ESRP2: variants seen among roughly 807,000 people sequenced by gnomAD.
ESRP2 encodes epithelial splicing regulatory protein 2.
A neutral mutation model predicts 78.6 loss-of-function variants in ESRP2; 48 were observed. The ratio of observed to expected loss-of-function variants is 0.61; its 90% CI spans 0.48 to 0.78. ESRP2 has a LOEUF of 0.78. Ranked by LOEUF, ESRP2 falls within the 30% of genes least tolerant of loss-of-function variation. The pLI is 0.00. For synonymous variants in ESRP2, 383 were observed against 406.7 expected, an observed-to-expected ratio of 0.94 and a Z score of 0.70; for missense variants, 863 against 965.9, an observed-to-expected ratio of 0.89 and a Z score of 1.41.
chr16:68,230,683 GTCA>G (rs2042118886), intron 13 of ESRP2, 129 bp from the exon 14 acceptor site: 2 of 1,413,878 alleles, frequency 1.4e-6, no homozygotes, highest in Admixed American at 4.4e-5. Flanking sequence ...CCTCTACAGA[GTCA>G]TTTTCGATCT....
Position 68,231,924 on chromosome 16 carries a change from C to T in ESRP2, c.1177G>A (p.Gly393Ser). 1 of 1,614,088 alleles carries T rather than the reference C, an allele frequency of 6.2e-7. No homozygotes were observed. Among genetic ancestry groups the T allele is most frequent in the Non-Finnish European group, 8.5e-7 (1 of 1,180,018 alleles). The change falls in exon 10 of 15, where the codon GGT becomes AGT. Residue 393 changes from glycine to serine, a missense_variant. Transcript: ENST00000473183. This position sits in a 1 kb window ranked among gnomAD's most constrained non-coding sequence, Gnocchi z 6.0. Reference protein sequence around the residue: ...FVRHPDGRPTGDAFALFACEE... With the variant: ...FVRHPDGRPTSDAFALFACEE... ...CAAGCAAAGAGGGCGAAGGCATCACCAGTCGGCCGGCCATCAGGATGGCGC... is the reference window on the plus strand; with the variant it reads ...CAAGCAAAGAGGGCGAAGGCATCACTAGTCGGCCGGCCATCAGGATGGCGC...
rs569556720 is a variant in ESRP2 at position 68,231,365 on chromosome 16, C to T, written c.1524G>A (p.Ser508=). ...HMVLNQQGRP[S]GDAFIQMTSA... ...ATGTCATCTGAATGAAGGCATCGCC[C>T]GATGGCCGGCCCTGTGCACACCATC... is the stretch of plus-strand genomic sequence containing the variant. The change falls in exon 12 of 15, where the codon TCG becomes TCA. Residue 508 remains serine, a synonymous_variant. Transcript: ENST00000473183. This position sits in a 1 kb window ranked among gnomAD's most constrained non-coding sequence, Gnocchi z 6.0. The T allele has an allele frequency of 2.6e-5, 42 of 1,614,076 alleles. No individual in the cohort carries two copies. Among genetic ancestry groups the T allele is most frequent in the African/African-American group, 1.2e-4 (9 of 75,012 alleles).
intron 2 of ESRP2, chr16:68,234,347 A>C: frequency 7.7e-6 from 4 of 516,694 alleles, no homozygotes; most frequent in Admixed American, 3.6e-5. Context: ...ATCACATATA[A>C]CCGAAGCCCT....
rs2042092131 is a variant in ESRP2 at position 68,229,214 on chromosome 16, CCT to C, written c.*1010_*1011del. On this transcript the variant is annotated 3_prime_UTR_variant, in exon 15 of 15. Coordinates refer to ENST00000473183, the MANE Select transcript of ESRP2 (RefSeq NM_024939.3). ...GGAAGAAGAGCCAGCAGTTGAGGCTCCTCAGTTTTAGTGCTGAAATAATAAAC... is the reference window on the plus strand; with the variant it reads ...GGAAGAAGAGCCAGCAGTTGAGGCTCCAGTTTTAGTGCTGAAATAATAAAC... The C allele has an allele frequency of 6.6e-6, 1 of 152,230 alleles. No homozygotes were observed. The highest frequency in any genetic ancestry group is 1.5e-5 in the Non-Finnish European group (1 of 68,042). The allele number at this position is 152,230 out of a possible 1,614,324, so 9.4% of individuals were successfully genotyped here.
At chr16:68,233,135 G>A in intron 5 of ESRP2, 192 bp downstream of exon 5, 1 of 607,436 alleles carries the variant, frequency 1.6e-6, no homozygotes, top group South Asian at 2.0e-5. Flanking sequence ...GAAAGTGGAG[G>A]TTGCAGTGAG....
In ESRP2 at chr16:68,231,801, C is replaced by T. The variant is rs760631582; in HGVS notation, c.1299+1G>A. ...GGGGGTGGGGAGCCCTGGGCGCTCA[C>T]CTGCTGCACTTCGGCTGCAGTGCTC... On this transcript the variant is annotated splice_donor_variant, in intron 10 of 14. Transcript: ENST00000473183. LOFTEE classifies it high-confidence loss of function. The surrounding 1 kb of genome is among the most constrained non-coding windows in gnomAD (Gnocchi z 6.0). 2 of 1,606,980 alleles carry T rather than the reference C, an allele frequency of 1.2e-6. No individual in the cohort carries two copies. Among genetic ancestry groups the T allele is most frequent in the Admixed American group, 3.3e-5 (2 of 59,856 alleles).
chr16:68,233,200 A>G, intron 5 of ESRP2, 127 bp downstream of exon 5: 1 of 594,778 alleles, frequency 1.7e-6, no homozygotes, highest in Non-Finnish European at 2.8e-6. Flanking sequence ...CTGTCTCAAA[A>G]AAAAAAAAAA....
Position 68,230,040 on chromosome 16 carries a change from T to G in ESRP2, c.*186A>C. ...CAGCCCTGCATGCAGGGTCCAGCCATTGTCTTTGGGGGAAACAGGCAGAAT... is the reference window on the plus strand; with the variant it reads ...CAGCCCTGCATGCAGGGTCCAGCCAGTGTCTTTGGGGGAAACAGGCAGAAT... On this transcript the variant is annotated 3_prime_UTR_variant, in exon 15 of 15. Transcript: ENST00000473183. The G allele has an allele frequency of 1.6e-6, 1 of 622,748 alleles. No individual in the cohort carries two copies. Among genetic ancestry groups the G allele is most frequent in the Non-Finnish European group, 2.9e-6 (1 of 350,386 alleles). 38.6% of individuals were successfully genotyped at this position (622,748 alleles called of 1,614,324 possible).
At position 68,231,934 on chromosome 16, in the gene ESRP2, G is replaced by A. The variant is rs759468917; in HGVS notation, c.1167C>T (p.Gly389=). ...EGLLFVRHPD[G]RPTGDAFALF... Reference sequence around the variant, plus strand: ...GGGCGAAGGCATCACCAGTCGGCCGGCCATCAGGATGGCGCACAAAGAGCA... The same window carrying A: ...GGGCGAAGGCATCACCAGTCGGCCGACCATCAGGATGGCGCACAAAGAGCA... The change falls in exon 10 of 15, where the codon GGC becomes GGT. Residue 389 remains glycine (G), a synonymous_variant. Coordinates refer to ENST00000473183, the MANE Select transcript of ESRP2 (RefSeq NM_024939.3). This position sits in a 1 kb window ranked among gnomAD's most constrained non-coding sequence, Gnocchi z 6.0. 5.6e-6 allele frequency: 9 copies of A among 1,614,086 alleles called. No individual in the cohort carries two copies. Among genetic ancestry groups the A allele is most frequent in the Non-Finnish European group, 7.6e-6 (9 of 1,180,018 alleles).
chr16:68,232,845 G>C lies in ESRP2; in HGVS notation c.656-30C>G, dbSNP rs1224615378. 6.2e-7 allele frequency: 1 copy of C among 1,614,102 alleles called. No homozygotes were observed. The highest frequency in any genetic ancestry group is 1.1e-5 in the South Asian group (1 of 91,084). On this transcript the variant is annotated intron_variant, in intron 5 of 14. Coordinates refer to ENST00000473183, the MANE Select transcript of ESRP2 (RefSeq NM_024939.3). This position sits in a 1 kb window ranked among gnomAD's most constrained non-coding sequence, Gnocchi z 5.2. Reference sequence around the variant, plus strand: ...GAAAAGATGGCCTGGGGGTCAGCAGGGTCTGGTGGAGAGGGGTGTCCCCAC... The same window carrying C: ...GAAAAGATGGCCTGGGGGTCAGCAGCGTCTGGTGGAGAGGGGTGTCCCCAC...
chr16:68,231,046 A>G lies in ESRP2; in HGVS notation c.1712-19T>C. On this transcript the variant is annotated intron_variant, in intron 12 of 14. Coordinates refer to ENST00000473183, the MANE Select transcript of ESRP2 (RefSeq NM_024939.3). This position sits in a 1 kb window ranked among gnomAD's most constrained non-coding sequence, Gnocchi z 6.0. Reference sequence around the variant, plus strand: ...GAGAGGCCTAGAGACGGAAGTAGAAAGTGCATGTGCACGGAGCCCAGCACT... The same window carrying G: ...GAGAGGCCTAGAGACGGAAGTAGAAGGTGCATGTGCACGGAGCCCAGCACT... 1 of 1,588,956 alleles carries G rather than the reference A, an allele frequency of 6.3e-7. No individual in the cohort carries two copies. The highest frequency in any genetic ancestry group is 8.6e-7 in the Non-Finnish European group (1 of 1,166,578).
In ESRP2 at chr16:68,231,445, C is replaced by A; in HGVS notation, c.1512+37G>T. 6.2e-7 allele frequency: 1 copy of A among 1,613,706 alleles called. No individual in the cohort carries two copies. The highest frequency in any genetic ancestry group is 8.5e-7 in the Non-Finnish European group (1 of 1,179,766). ...CCTTACCCCTAACACACACCCCTTC[C>A]TATTTATGTGTTCCCCCTACCAAGC... On this transcript the variant is annotated intron_variant, in intron 11 of 14. Coordinates refer to ENST00000473183, the MANE Select transcript of ESRP2 (RefSeq NM_024939.3). This position sits in a 1 kb window ranked among gnomAD's most constrained non-coding sequence, Gnocchi z 6.0.
In ESRP2 at chr16:68,235,126, T is replaced by G; in HGVS notation, c.327+508A>C. The stretch of plus-strand genomic sequence containing the variant: ...GCCAGGCCGGGACAGCGCCCACGCC[T>G]GGCCAGCCGGCCGGGACAGGCCTAG... On this transcript the variant is annotated intron_variant, in intron 2 of 14. Transcript: ENST00000473183. The surrounding 1 kb of genome is among the most constrained non-coding windows in gnomAD (Gnocchi z 5.5). 1.0e-6 allele frequency: 1 copy of G among 991,480 alleles called. No homozygotes were observed. The highest frequency in any genetic ancestry group is 1.2e-6 in the Non-Finnish European group (1 of 833,646). The allele number at this position is 991,480 out of a possible 1,614,324, so 61.4% of individuals were successfully genotyped here. A position where few individuals can be genotyped will look rare whatever the true frequency, so the allele number is the denominator to read the frequency against.
At position 68,235,094 on chromosome 16, in the gene ESRP2, C is replaced by G. The variant is rs138385637; in HGVS notation, c.327+540G>C. 5.1e-6 allele frequency: 5 copies of G among 986,708 alleles called. No homozygotes were observed. The African/African-American group carries it at 7.0e-5, about 14-fold the overall frequency. The allele number at this position is 986,708 out of a possible 1,614,324, so 61.1% of individuals were successfully genotyped here. On this transcript the variant is annotated intron_variant, in intron 2 of 14. Transcript: ENST00000473183. The surrounding 1 kb of genome is among the most constrained non-coding windows in gnomAD (Gnocchi z 5.5). ...CCTTTGCACTCAGCAGGCAGATAGT[C>G]CCCCAGGCCAGGCCGGGACAGCGCC... is the stretch of plus-strand genomic sequence containing the variant.
At position 68,231,103 on chromosome 16, in the gene ESRP2, C is replaced by T. The variant is rs577046779; in HGVS notation, c.1711+75G>A. ...GGTGGGGTAGCCAGAAAGGAGTCCC[C>T]GCTATAGAAGGTAGGGGCTTACAAC... On this transcript the variant is annotated intron_variant, in intron 12 of 14. Coordinates refer to ENST00000473183, the MANE Select transcript of ESRP2 (RefSeq NM_024939.3). This position sits in a 1 kb window ranked among gnomAD's most constrained non-coding sequence, Gnocchi z 6.0. The T allele has an allele frequency of 1.9e-5, 31 of 1,602,990 alleles. 1 individual carries two copies. Among genetic ancestry groups the T allele is most frequent in the East Asian group, 1.3e-4 (6 of 44,714 alleles).
In ESRP2 at chr16:68,232,561, A is replaced by G. The variant is rs189637129; in HGVS notation, c.821+16T>C. 1.9e-6 allele frequency: 3 copies of G among 1,605,788 alleles called. No homozygotes were observed. Among genetic ancestry groups the G allele is most frequent in the Admixed American group, 3.4e-5 (2 of 59,254 alleles). On this transcript the variant is annotated intron_variant, in intron 7 of 14. Transcript: ENST00000473183. This position sits in a 1 kb window ranked among gnomAD's most constrained non-coding sequence, Gnocchi z 5.2. ...TAGGCCTGTCCAATTGGGCCCACCC[A>G]CCCTGCCACACCCACCTGGCCACGT...
chr16:68,231,096 G>C lies in ESRP2; in HGVS notation c.1712-69C>G. On this transcript the variant is annotated intron_variant, in intron 12 of 14. Transcript: ENST00000473183. The surrounding 1 kb of genome is among the most constrained non-coding windows in gnomAD (Gnocchi z 6.0). Reference sequence around the variant, plus strand: ...TGCCCTGGGTGGGGTAGCCAGAAAGGAGTCCCCGCTATAGAAGGTAGGGGC... The same window carrying C: ...TGCCCTGGGTGGGGTAGCCAGAAAGCAGTCCCCGCTATAGAAGGTAGGGGC... 6.2e-7 allele frequency: 1 copy of C among 1,600,294 alleles called. No individual in the cohort carries two copies. The highest frequency in any genetic ancestry group is 1.1e-5 in the South Asian group (1 of 90,512).
rs374932216 is a variant in ESRP2, at chr16:68,233,601, A to G, written c.556+167T>C. The stretch of plus-strand genomic sequence containing the variant: ...TCCAGACATAGACAGACACATACCC[A>G]CATTCCAAACTCATCCTAGCACAGA... On this transcript the variant is annotated intron_variant, in intron 4 of 14. Coordinates refer to ENST00000473183, the MANE Select transcript of ESRP2 (RefSeq NM_024939.3). The G allele has an allele frequency of 4.7e-5, 34 of 724,232 alleles. No homozygotes were observed. In the African/African-American group the frequency reaches 5.2e-4, roughly 11 times the overall value. 44.9% of individuals were successfully genotyped at this position (724,232 alleles called of 1,614,324 possible). A position where few individuals can be genotyped will look rare whatever the true frequency, so the allele number is the denominator to read the frequency against.
intron 5 of ESRP2, 38 bp downstream of exon 5, chr16:68,233,288 TC>T: frequency 1.4e-6 from 2 of 1,413,976 alleles, no homozygotes. Flanking sequence ...GCATTTGTCA[TC>T]CCTGAGAACA....
Sources: gnomAD v4.1 joint callset for allele counts on GRCh38, gnomAD v4.1.1 for gene constraint, Gnocchi (gnomAD v3.1) non-coding constraint, MANE v1.5 for transcripts, NCBI Gene and HGNC (gene_info 2026-07-23, HGNC 2026-07-21) for gene names.